Variants in KIAA0232 observed in about 807,000 individuals in gnomAD.
KIAA0232 encodes the protein KIAA0232.
KIAA0232 carries 27 observed loss-of-function variants against 122.0 expected under a neutral mutation model. That is an observed-to-expected ratio of 0.22 (90% CI 0.16 to 0.31). KIAA0232 has a LOEUF of 0.31. Among genes scored for constraint, KIAA0232 ranks in the 10% least tolerant of loss-of-function variants. The pLI is 1.00. For synonymous variants in KIAA0232, 613 were observed against 587.6 expected, an observed-to-expected ratio of 1.04 and a Z score of -0.63; for missense variants, 1,551 against 1,634.2, an observed-to-expected ratio of 0.95 and a Z score of 0.88.
intron 3 of KIAA0232, among the ~76,000 whole-genome samples, chr4:6,838,019 T>G (rs1429998808): frequency 3.3e-5 from 5 of 152,156 alleles, no homozygotes; most frequent in Non-Finnish European, 5.9e-5. Context: ...TAGCCCTTTG[T>G]CAGATGGATA....
intron 6 of KIAA0232, among the ~76,000 whole-genome samples, chr4:6,859,387 G>A (rs1720740214): frequency 6.6e-6 from 1 of 152,096 alleles, no homozygotes; most frequent in South Asian, 2.1e-4. Context: ...GTATTATCCA[G>A]CACAGAAGCT....
At chr4:6,865,512 G>A (rs1426936192) in intron 7 of KIAA0232, among the ~76,000 whole-genome samples, 3 of 152,230 alleles carry the variant, frequency 2.0e-5, no homozygotes, top group Non-Finnish European at 2.9e-5. Context: ...GGTTGGCCAG[G>A]CTGGTCTTGA....
chr4:6,867,117 T>C (rs1721226385), intron 7 of KIAA0232, among the ~76,000 whole-genome samples: 1 of 152,388 alleles, frequency 6.6e-6, no homozygotes, highest in Middle Eastern at 3.4e-3. Flanking sequence ...TTTTATTTTC[T>C]GCACACTATT....
intron 3 of KIAA0232, among the ~76,000 whole-genome samples, chr4:6,831,278 A>G (rs1007971747): frequency 2.8e-4 from 43 of 151,598 alleles, no homozygotes; most frequent in African/African-American, 1.0e-3. Context: ...CTGGTCTCGA[A>G]GTCTTGACCT....
intron 3 of KIAA0232, among the ~76,000 whole-genome samples, chr4:6,834,462 A>T (rs763663286): frequency 6.6e-6 from 1 of 152,194 alleles, no homozygotes; most frequent in Non-Finnish European, 1.5e-5. Context: ...TTTCCTATTA[A>T]CTACTCCTCT....
At chr4:6,827,174 TA>T (rs1434281798) in intron 3 of KIAA0232, among the ~76,000 whole-genome samples, 1 of 152,230 alleles carries the variant, frequency 6.6e-6, no homozygotes, top group African/African-American at 2.4e-5. Flanking sequence ...GGTCAAATTT[TA>T]AATACCTGTT....
chr4:6,861,616 G>A lies in KIAA0232; in HGVS notation c.1234G>A (p.Val412Ile), dbSNP rs746583820. 4 of 1,614,012 alleles carry A rather than the reference G, an allele frequency of 2.5e-6. 1 individual carries two copies. Among genetic ancestry groups the A allele is most frequent in the Middle Eastern group, 3.3e-4 (2 of 6,062 alleles). The change falls in exon 7 of 10, where the codon GTT becomes ATT. Residue 412 changes from valine to isoleucine, a missense_variant. Val to Ile is a conservative substitution (Grantham distance 29, BLOSUM62 3). This residue lies in a region of KIAA0232 where 1,108 missense variants were observed against 1,154.8 expected (regional missense o/e 0.96). Coordinates refer to ENST00000307659, the MANE Select transcript of KIAA0232 (RefSeq NM_014743.3). ...CACCGAGCCAATTGCTGAATATTTT[G>A]TTCCTCTGAGCAGAAAAAGTAAACT... ...WYTEPIAEYF[V>I]PLSRKSKLET...
In KIAA0232 at chr4:6,863,218, T is replaced by A; in HGVS notation, c.2836T>A (p.Trp946Arg). Residue 946 changes from tryptophan (W) to arginine (R), a missense_variant, in exon 7 of 10, where the codon TGG becomes AGG. Trp to Arg is a moderately radical substitution (Grantham distance 101). This residue lies in a region of KIAA0232 where 1,108 missense variants were observed against 1,154.8 expected (regional missense o/e 0.96). Coordinates refer to ENST00000307659, the MANE Select transcript of KIAA0232 (RefSeq NM_014743.3). ...CAAAACCTTCAATAGTGATGGGGAG[T>A]GGGCAGTCGTACCACCTAGTCACAC... is the stretch of plus-strand genomic sequence containing the variant. ...ELKTFNSDGEWAVVPPSHTKG... is the reference protein window; with the variant it reads ...ELKTFNSDGERAVVPPSHTKG... 1 of 1,613,634 alleles carries A rather than the reference T, an allele frequency of 6.2e-7. No individual in the cohort carries two copies. Among genetic ancestry groups the A allele is most frequent in the Non-Finnish European group, 8.5e-7 (1 of 1,179,982 alleles).
chr4:6,783,422 G>T (rs562274989), intron 1 of KIAA0232, among the ~76,000 whole-genome samples: 62 of 152,336 alleles, frequency 4.1e-4, no homozygotes, highest in African/African-American at 1.5e-3. Context: ...GACGAGGCGG[G>T]GGTGCTTAGA....
At chr4:6,819,275 G>C (rs1718303221) in intron 2 of KIAA0232, among the ~76,000 whole-genome samples, 1 of 152,054 alleles carries the variant, frequency 6.6e-6, no homozygotes, top group African/African-American at 2.4e-5. Flanking sequence ...TATCAATAGA[G>C]TAAACGGTGT....
intron 2 of KIAA0232, among the ~76,000 whole-genome samples, chr4:6,811,047 C>A (rs61622057): frequency 0.038 from 5,803 of 152,232 alleles, 347 homozygotes; most frequent in African/African-American, 0.13. Context: ...ATGGCGATTT[C>A]TTAAAGAACT....
At position 6,866,255 on chromosome 4, in the gene KIAA0232, C is replaced by T. The variant is rs373035851; in HGVS notation, c.3801+2072C>T. On this transcript the variant is annotated intron_variant, in intron 7 of 9. Transcript: ENST00000307659. ...ACATCATACCACTACCATATTCCTTCGCTTTCTAGTATGTTGATGTATTTA... is the reference window on the plus strand; with the variant it reads ...ACATCATACCACTACCATATTCCTTTGCTTTCTAGTATGTTGATGTATTTA... 3.8e-5 allele frequency: 37 copies of T among 981,810 alleles called. No homozygotes were observed. The African/African-American group carries it at 5.4e-4, about 14-fold the overall frequency. The allele number at this position is 981,810 out of a possible 1,614,324, so 60.8% of individuals were successfully genotyped here. A position where few individuals can be genotyped will look rare whatever the true frequency, so the allele number is the denominator to read the frequency against.
At chr4:6,795,266 G>T (rs1367885783) in intron 1 of KIAA0232, among the ~76,000 whole-genome samples, 2 of 152,080 alleles carry the variant, frequency 1.3e-5, no homozygotes, top group Non-Finnish European at 2.9e-5. Flanking sequence ...TAGAGACAGG[G>T]TTTCATCGTG....
chr4:6,786,965 G>A (rs1716650954), intron 1 of KIAA0232, among the ~76,000 whole-genome samples: 3 of 152,020 alleles, frequency 2.0e-5, no homozygotes, highest in Admixed American at 1.3e-4. Context: ...GGCGGATCAT[G>A]AGGTCAAGAG....
intron 1 of KIAA0232, among the ~76,000 whole-genome samples, chr4:6,784,436 G>C (rs1056116299): frequency 6.9e-6 from 1 of 144,754 alleles, no homozygotes; most frequent in Non-Finnish European, 1.5e-5. Context: ...GGGTGAGGGC[G>C]GGGGGGGAGG....
chr4:6,784,937 A>T (rs1035836288), intron 1 of KIAA0232, among the ~76,000 whole-genome samples: 1 of 135,530 alleles, frequency 7.4e-6, no homozygotes, highest in Non-Finnish European at 1.6e-5. Context: ...GATCAGATGA[A>T]TTTTTTTTTT....
At position 6,862,820 on chromosome 4, in the gene KIAA0232, A is replaced by G; in HGVS notation, c.2438A>G (p.Glu813Gly). ...TTTGAAACTACACAAGTATGTAATG[A>G]AAGTCCACATGGAGATGGCTACAGC... ...KNFETTQVCN[E>G]SPHGDGYSSG... The change falls in exon 7 of 10, where the codon GAA becomes GGA. Residue 813 changes from glutamate (E) to glycine (G), a missense_variant. By Grantham distance (98) the Glu-to-Gly change is moderately conservative (BLOSUM62 -2). Coordinates refer to ENST00000307659, the MANE Select transcript of KIAA0232 (RefSeq NM_014743.3). The G allele has an allele frequency of 1.2e-6, 2 of 1,614,200 alleles. No homozygotes were observed. The highest frequency in any genetic ancestry group is 8.5e-7 in the Non-Finnish European group (1 of 1,180,034).
chr4:6,863,736 A>G lies in KIAA0232; in HGVS notation c.3354A>G (p.Pro1118=), dbSNP rs772971861. 6 of 1,614,236 alleles carry G rather than the reference A, an allele frequency of 3.7e-6. No individual in the cohort carries two copies. In the East Asian group the frequency reaches 8.9e-5, roughly 24 times the overall value. ...CAATTTCTGCATCCGAACTGTCCCC[A>G]GGAGGAGGAAGCGAGTCAGAATTTG... ...FRPISASELS[P]GGGSESEFES... The change falls in exon 7 of 10, where the codon CCA becomes CCG. Residue 1118 remains proline, a synonymous_variant. Coordinates refer to ENST00000307659, the MANE Select transcript of KIAA0232 (RefSeq NM_014743.3).
At chr4:6,793,243 A>T (rs929050980) in intron 1 of KIAA0232, among the ~76,000 whole-genome samples, 3 of 152,212 alleles carry the variant, frequency 2.0e-5, no homozygotes, top group Non-Finnish European at 2.9e-5. Context: ...GTATATAAAC[A>T]ACATTGCATA....
Sources: gnomAD v4.1 joint callset for allele counts (sites outside exome capture counted in the v4.1 genomes callset) on GRCh38, gnomAD v4.1.1 for gene constraint, gnomAD v4.1.1 regional missense constraint, MANE v1.5 for transcripts, NCBI Gene and HGNC (gene_info 2026-07-23, HGNC 2026-07-21) for gene names.